The following BRAF variants were observed in gnomAD, a reference collection of about 807,000 sequenced individuals.
BRAF encodes the protein B-Raf proto-oncogene, serine/threonine kinase.
In BRAF, 16 loss-of-function variants were observed where a neutral mutation model predicts 104.6. That is an observed-to-expected ratio of 0.15 (90% CI 0.10 to 0.23). BRAF has a LOEUF of 0.23. Ranked by LOEUF, BRAF falls within the 10% of genes least tolerant of loss-of-function variation. The pLI is 1.00. For missense variants in BRAF, 541 were observed against 937.3 expected, an observed-to-expected ratio of 0.58 and a Z score of 5.52; for synonymous variants, 310 against 341.6, an observed-to-expected ratio of 0.91 and a Z score of 1.02.
intron 1 of BRAF, among the ~76,000 whole-genome samples, chr7:140,856,918 A>G (rs1450011432): frequency 5.3e-5 from 8 of 152,254 alleles, no homozygotes; most frequent in African/African-American, 1.4e-4. Context: ...AGAAGAAAAT[A>G]ACTGACAACC....
chr7:140,772,817 G>A (rs1400420738), intron 14 of BRAF, among the ~76,000 whole-genome samples: 1 of 152,032 alleles, frequency 6.6e-6, no homozygotes, highest in Non-Finnish European at 1.5e-5. Context: ...GCATAATATA[G>A]GAATTTAATA....
At chr7:140,878,818 GTATACC>G (rs1379474236) in intron 1 of BRAF, among the ~76,000 whole-genome samples, 1 of 152,126 alleles carries the variant, frequency 6.6e-6, no homozygotes, top group Non-Finnish European at 1.5e-5. Flanking sequence ...ATTGCGCACT[GTATACC>G]TATATCAAAA....
intron 17 of BRAF, among the ~76,000 whole-genome samples, chr7:140,743,100 T>C (rs1326155700): frequency 4.0e-5 from 6 of 151,868 alleles, no homozygotes; most frequent in Admixed American, 1.3e-4. Context: ...TGTGGAGAAA[T>C]AGGAACACTT....
chr7:140,813,561 A>G (rs946842484), intron 3 of BRAF, among the ~76,000 whole-genome samples: 1 of 152,198 alleles, frequency 6.6e-6, no homozygotes. Flanking sequence ...ATGTATGTGC[A>G]ACATTATTCA....
At chr7:140,798,713 G>T (rs910454724) in intron 7 of BRAF, among the ~76,000 whole-genome samples, 2 of 151,940 alleles carry the variant, frequency 1.3e-5, no homozygotes, top group African/African-American at 4.8e-5. Flanking sequence ...CTAGCAGTTT[G>T]GGAGGCTGAG....
At chr7:140,919,286 T>C (rs1390910682) in intron 1 of BRAF, among the ~76,000 whole-genome samples, 1 of 152,142 alleles carries the variant, frequency 6.6e-6, no homozygotes, top group Non-Finnish European at 1.5e-5. Context: ...GCAGCTACAT[T>C]ACAAGAATGA....
At chr7:140,913,798 T>C (rs1209272392) in intron 1 of BRAF, among the ~76,000 whole-genome samples, 1 of 152,030 alleles carries the variant, frequency 6.6e-6, no homozygotes, top group Non-Finnish European at 1.5e-5. Context: ...AGCTTTTAAA[T>C]ACCAAAACAC....
intron 5 of BRAF, among the ~76,000 whole-genome samples, chr7:140,802,878 T>C (rs935259355): frequency 6.6e-6 from 1 of 152,194 alleles, no homozygotes; most frequent in African/African-American, 2.4e-5. Context: ...CAGTAACAAA[T>C]AGTAATGTCC....
chr7:140,831,851 C>T (rs1806792981), intron 3 of BRAF, among the ~76,000 whole-genome samples: 1 of 152,192 alleles, frequency 6.6e-6, no homozygotes. Context: ...GTCTTCCTGC[C>T]AGAGCAAGAC....
rs186969938 is a variant in BRAF at position 140,878,978 on chromosome 7, G to A, written c.139-28766C>T. 1.5e-3 allele frequency among the ~76,000 whole-genome samples: 228 copies of A among 152,014 alleles called. 1 individual carries two copies. The highest frequency in any genetic ancestry group is 5.0e-3 in the Admixed American group (76 of 15,262). On this transcript the variant is annotated intron_variant, in intron 1 of 19. Coordinates refer to ENST00000644969, the MANE Select transcript of BRAF (RefSeq NM_001374258.1). The stretch of plus-strand genomic sequence containing the variant: ...CAACCTCCACCTCCCAGGTTTAAGC[G>A]ATTCTCCTGCCTTAGCCTCCCAAGC...
chr7:140,906,202 C>A (rs1816311796), intron 1 of BRAF, among the ~76,000 whole-genome samples: 1 of 151,470 alleles, frequency 6.6e-6, no homozygotes, highest in South Asian at 2.1e-4. Context: ...CGGCCTTCGC[C>A]TGTCATATAT....
At chr7:140,840,734 T>A (rs1296790539) in intron 2 of BRAF, among the ~76,000 whole-genome samples, 1 of 151,090 alleles carries the variant, frequency 6.6e-6, no homozygotes, top group African/African-American at 2.4e-5. Flanking sequence ...GAGGTTGCAG[T>A]CAGTCGAGAT....
Position 140,721,523 on chromosome 7 carries a change from C to A in BRAF, c.*4971G>T. ...CTGTCTAGTGTACTAATAAAACAAACATCTTACCAGTATTTTTAATTTTAC... is the reference window on the plus strand; with the variant it reads ...CTGTCTAGTGTACTAATAAAACAAAAATCTTACCAGTATTTTTAATTTTAC... On this transcript the variant is annotated 3_prime_UTR_variant, in exon 20 of 20. Coordinates refer to ENST00000644969, the MANE Select transcript of BRAF (RefSeq NM_001374258.1). 7.0e-7 allele frequency: 1 copy of A among 1,424,596 alleles called. No individual in the cohort carries two copies. The highest frequency in any genetic ancestry group is 9.1e-7 in the Non-Finnish European group (1 of 1,093,370). The allele number at this position is 1,424,596 out of a possible 1,614,324, so 88.2% of individuals were successfully genotyped here.
Position 140,726,335 on chromosome 7 carries a change from T to G in BRAF, c.*159A>C. 1 of 1,436,876 alleles carries G rather than the reference T, an allele frequency of 7.0e-7. No individual in the cohort carries two copies. Among genetic ancestry groups the G allele is most frequent in the Admixed American group, 2.9e-5 (1 of 34,690 alleles). The allele number at this position is 1,436,876 out of a possible 1,614,324, so 89.0% of individuals were successfully genotyped here. On this transcript the variant is annotated 3_prime_UTR_variant, in exon 20 of 20. Transcript: ENST00000644969. ...GGTTCCTAAAACATTCTTTCCTCTTTTGTTGGATGGGAAATTCCATTCTGT... is the reference window on the plus strand; with the variant it reads ...GGTTCCTAAAACATTCTTTCCTCTTGTGTTGGATGGGAAATTCCATTCTGT...
chr7:140,794,356 T>C lies in BRAF; in HGVS notation c.1092A>G (p.Ser364=), dbSNP rs769941887. The change falls in exon 8 of 20, where the codon TCA becomes TCG. Residue 364 remains serine (S), a synonymous_variant. Coordinates refer to ENST00000644969, the MANE Select transcript of BRAF (RefSeq NM_001374258.1). ...TGTTTATATGCACATTGGGAGCTGATGAGGATCGGTCTCGTTGCCCAAATT... is the reference window on the plus strand; with the variant it reads ...TGTTTATATGCACATTGGGAGCTGACGAGGATCGGTCTCGTTGCCCAAATT... ...RNQFGQRDRS[S]SAPNVHINTI... 6.2e-7 allele frequency: 1 copy of C among 1,614,134 alleles called. No homozygotes were observed. The highest frequency in any genetic ancestry group is 1.7e-5 in the Admixed American group (1 of 60,012).
chr7:140,768,244 C>T (rs1162707072), intron 14 of BRAF, among the ~76,000 whole-genome samples: 1 of 116,480 alleles, frequency 8.6e-6, no homozygotes, highest in Non-Finnish European at 1.7e-5. Context: ...TACATATTTC[C>T]TCGTAACATG....
At chr7:140,891,354 C>A (rs1015400485) in intron 1 of BRAF, among the ~76,000 whole-genome samples, 4 of 152,068 alleles carry the variant, frequency 2.6e-5, no homozygotes, top group Non-Finnish European at 5.9e-5. Context: ...TCCTTGGATG[C>A]GGAAGTCTCT....
chr7:140,727,445 A>G (rs553115040), intron 19 of BRAF, among the ~76,000 whole-genome samples: 2 of 152,122 alleles, frequency 1.3e-5, no homozygotes, highest in South Asian at 4.1e-4. Context: ...CGGCCTCCCA[A>G]AGTGCTGGGA....
rs147011977 is a variant in BRAF, at chr7:140,796,845, C to A, written c.981-2378G>T. 2.0e-5 allele frequency among the ~76,000 whole-genome samples: 3 copies of A among 152,196 alleles called. No homozygotes were observed. In the East Asian group the frequency reaches 5.8e-4, roughly 29 times the overall value. ...AATTTGATTTCCCATAAATCTCTTACAAAAGAAGAGTGAGTGGTGGCGCAC... is the reference window on the plus strand; with the variant it reads ...AATTTGATTTCCCATAAATCTCTTAAAAAAGAAGAGTGAGTGGTGGCGCAC... On this transcript the variant is annotated intron_variant, in intron 7 of 19. Coordinates refer to ENST00000644969, the MANE Select transcript of BRAF (RefSeq NM_001374258.1).
Sources: gnomAD v4.1 joint callset for allele counts (sites outside exome capture counted in the v4.1 genomes callset) on GRCh38, gnomAD v4.1.1 for gene constraint, MANE v1.5 for transcripts, NCBI Gene and HGNC (gene_info 2026-07-23, HGNC 2026-07-21) for gene names.